ANKRD55: variants seen among roughly 807,000 people sequenced by gnomAD.
ANKRD55 encodes the protein ankyrin repeat domain 55, also known as ankyrin repeat domain-containing protein 55.
A neutral mutation model predicts 60.6 loss-of-function variants in ANKRD55; 41 were observed. The observed-to-expected ratio is 0.68, with a 90% confidence interval of 0.53 to 0.88. ANKRD55 has a LOEUF of 0.88. Among genes scored for constraint, ANKRD55 ranks in the 40% least tolerant of loss-of-function variants. The probability of loss-of-function intolerance (pLI) is 0.00; values close to 1 mark genes in which losing one functional copy is unlikely to be tolerated. For synonymous variants in ANKRD55, 264 were observed against 290.3 expected (o/e 0.91, Z 0.92); for missense variants, 732 against 767.6 (o/e 0.95, Z 0.55).
chr5:56,136,473 CA>C (rs1391628391), intron 7 of ANKRD55, among the ~76,000 whole-genome samples: 1 of 152,120 alleles, frequency 6.6e-6, no homozygotes, highest in African/African-American at 2.4e-5. Flanking sequence ...TGATATTTGA[CA>C]AAAGAGTAAA....
intron 10 of ANKRD55, among the ~76,000 whole-genome samples, chr5:56,109,949 C>T (rs574385180): frequency 2.2e-4 from 33 of 151,628 alleles, no homozygotes; most frequent in Non-Finnish European, 4.3e-4. Context: ...ACCCGGGAAG[C>T]GGAGGTTGTA....
chr5:56,227,644 G>A (rs781384404), intron 2 of ANKRD55, among the ~76,000 whole-genome samples: 1 of 148,670 alleles, frequency 6.7e-6, no homozygotes, highest in Non-Finnish European at 1.5e-5. Flanking sequence ...AAACCTTATT[G>A]CTGGCCAAGG....
At chr5:56,147,776 G>C (rs147772281) in intron 6 of ANKRD55, among the ~76,000 whole-genome samples, 27 of 152,000 alleles carry the variant, frequency 1.8e-4, no homozygotes, top group African/African-American at 6.5e-4. Context: ...AATCCTCTTA[G>C]AGTTAATAAT....
Position 56,116,492 on chromosome 5 carries a change from AATTAT to A in ANKRD55, c.965+118_965+122del, listed in dbSNP as rs1221628500. 2.0e-5 allele frequency: 16 copies of A among 808,498 alleles called. No homozygotes were observed. The African/African-American group carries it at 2.4e-4, about 12-fold the overall frequency. The allele number at this position is 808,498 out of a possible 1,614,324, so 50.1% of individuals were successfully genotyped here. On this transcript the variant is annotated intron_variant, in intron 9 of 11. Transcript: ENST00000341048. ...AATGTCTTTAATACTATGTAACATTAATTATATTATAAAAGTATAATAATATTATT... is the reference window on the plus strand; with the variant it reads ...AATGTCTTTAATACTATGTAACATTAATTATAAAAGTATAATAATATTATT...
At chr5:56,146,744 T>C (rs1295606921) in intron 6 of ANKRD55, 1 of 152,210 alleles carries the variant, frequency 6.6e-6, no homozygotes, top group Non-Finnish European at 1.5e-5. Flanking sequence ...CAAACAATCT[T>C]GTCCTTTGTA....
intron 7 of ANKRD55, among the ~76,000 whole-genome samples, chr5:56,141,299 AC>A (rs1757759624): frequency 6.6e-6 from 1 of 152,014 alleles, no homozygotes; most frequent in East Asian, 1.9e-4. Flanking sequence ...CCAGGGTCTC[AC>A]TGCATTACAC....
At chr5:56,219,713 C>T (rs1289433843) in intron 2 of ANKRD55, among the ~76,000 whole-genome samples, 1 of 152,168 alleles carries the variant, frequency 6.6e-6, no homozygotes, top group African/African-American at 2.4e-5. Flanking sequence ...TTAGCCCCAC[C>T]CATATGCCAC....
chr5:56,214,857 G>A (rs547049615), intron 2 of ANKRD55, among the ~76,000 whole-genome samples: 6 of 152,248 alleles, frequency 3.9e-5, no homozygotes, highest in East Asian at 1.9e-4. Context: ...CTGCTGGGCC[G>A]GCCCAGTTGT....
At chr5:56,196,965 A>G (rs1759241399) in intron 2 of ANKRD55, among the ~76,000 whole-genome samples, 1 of 152,178 alleles carries the variant, frequency 6.6e-6, no homozygotes, top group Admixed American at 6.5e-5. Context: ...ACTAAATCAG[A>G]TACTCTAGGA....
At chr5:56,102,065 AAGTGTT>A (rs1312419773) in intron 11 of ANKRD55, among the ~76,000 whole-genome samples, 2 of 152,160 alleles carry the variant, frequency 1.3e-5, no homozygotes, top group African/African-American at 4.8e-5. Context: ...TGTAATTTAT[AAGTGTT>A]GGCACCTGAT....
At chr5:56,201,940 T>C (rs1205336136) in intron 2 of ANKRD55, among the ~76,000 whole-genome samples, 3 of 152,228 alleles carry the variant, frequency 2.0e-5, no homozygotes, top group Admixed American at 6.5e-5. Flanking sequence ...GTGATACATA[T>C]GCACCATGGA....
intron 2 of ANKRD55, among the ~76,000 whole-genome samples, chr5:56,212,049 G>GACACACACACAC (rs200349739): frequency 1.5e-5 from 2 of 130,224 alleles, no homozygotes; most frequent in African/African-American, 6.2e-5. Context: ...AACTGGTAAA[G>GACACACACACAC]ACACACACAC....
chr5:56,223,186 G>C (rs1197905178), intron 2 of ANKRD55, among the ~76,000 whole-genome samples: 3 of 152,128 alleles, frequency 2.0e-5, no homozygotes, highest in Non-Finnish European at 4.4e-5. Context: ...AGAAGAGAGT[G>C]AGGGCCAATA....
In ANKRD55 at chr5:56,103,637, A is replaced by T. The variant is rs115702763; in HGVS notation, c.1631-1051T>A. Among the ~76,000 whole-genome samples the T allele has an allele frequency of 4.5e-3, 691 of 152,310 alleles. 6 individuals are homozygous for T. The highest frequency in any genetic ancestry group is 0.016 in the African/African-American group (663 of 41,574). On this transcript the variant is annotated intron_variant, in intron 10 of 11. Transcript: ENST00000341048. ...TATACAAAATGGTGAAAATAATTGT[A>T]TATCTTTTCCACTTGTCATGAGGAT...
intron 2 of ANKRD55, chr5:56,193,199 G>T: frequency 1.2e-6 from 1 of 846,960 alleles, no homozygotes; most frequent in Non-Finnish European, 1.8e-6. Context: ...ACTAAGCAAA[G>T]AAAGCCTTGA....
intron 2 of ANKRD55, among the ~76,000 whole-genome samples, chr5:56,228,001 G>C (rs989882064): frequency 6.6e-6 from 1 of 152,124 alleles, no homozygotes; most frequent in Non-Finnish European, 1.5e-5. Flanking sequence ...AATGAGAATG[G>C]ATTTTACCAA....
chr5:56,184,313 G>C (rs1004414035), intron 2 of ANKRD55, among the ~76,000 whole-genome samples: 2 of 152,228 alleles, frequency 1.3e-5, no homozygotes, highest in Admixed American at 6.5e-5. Context: ...TGCAGAGTCA[G>C]TCTCTCTGGG....
intron 2 of ANKRD55, among the ~76,000 whole-genome samples, chr5:56,228,625 A>G (rs1406558648): frequency 1.3e-5 from 2 of 152,018 alleles, no homozygotes; most frequent in Admixed American, 6.5e-5. Context: ...GGGTTTCACC[A>G]TGTTGGCCAG....
chr5:56,159,597 C>A (rs1266042986), intron 6 of ANKRD55, among the ~76,000 whole-genome samples: 1 of 152,220 alleles, frequency 6.6e-6, no homozygotes, highest in Admixed American at 6.5e-5. Flanking sequence ...ATGATAAATG[C>A]TGAAGTACTT....
Sources: allele counts gnomAD v4.1 joint callset (sites outside exome capture counted in the v4.1 genomes callset), GRCh38; gene constraint gnomAD v4.1.1; transcripts MANE v1.5; gene names NCBI Gene and HGNC (gene_info 2026-07-23, HGNC 2026-07-21).